LY75: variants seen among roughly 807,000 people sequenced by gnomAD.
LY75 encodes the protein lymphocyte antigen 75, also known as C-type lectin domain family 13 member B.
In LY75, 185 loss-of-function variants were observed where a neutral mutation model predicts 231.7. The ratio of observed to expected loss-of-function variants is 0.80; its 90% CI spans 0.71 to 0.90. The LOEUF (loss-of-function observed/expected upper bound fraction) is 0.90. Ranked by LOEUF, LY75 falls within the 40% of genes least tolerant of loss-of-function variation. LY75 has a pLI of 0.00. For synonymous variants in LY75, 668 were observed against 689.0 expected (o/e 0.97, Z 0.48); for missense variants, 1,947 against 2,050.2 (o/e 0.95, Z 0.97).
intron 28 of LY75, 23 bp from the exon 29 acceptor site, chr2:159,819,943 T>C (rs75362648): frequency 2.3e-6 from 3 of 1,292,092 alleles, no homozygotes; most frequent in Non-Finnish European, 3.3e-6. Context: ...CATTTTTTCC[T>C]ATGCTTAGAG....
intron 31 of LY75, among the ~76,000 whole-genome samples, chr2:159,811,495 C>T (rs539155387): frequency 2.6e-5 from 4 of 152,188 alleles, no homozygotes; most frequent in Non-Finnish European, 4.4e-5. Flanking sequence ...CGTATTAGTG[C>T]GGTACAGCTT....
In LY75 at chr2:159,904,650, C is replaced by A; in HGVS notation, c.33G>T (p.Pro11=). MRTGWATPRR[P]AGLLMLLFWF... is the part of the protein sequence containing the mutation. The stretch of plus-strand genomic sequence containing the variant: ...AGAAGAGCAGCATGAGGAGCCCCGC[C>A]GGGCGGCGAGGGGTCGCCCAGCCTG... The change falls in exon 1 of 35, where the codon CCG becomes CCT. Residue 11 remains proline, a synonymous_variant. Transcript: ENST00000263636. The A allele has an allele frequency of 6.7e-7, 1 of 1,492,752 alleles. No homozygotes were observed. The highest frequency in any genetic ancestry group is 8.9e-7 in the Non-Finnish European group (1 of 1,124,026). 92.5% of individuals were successfully genotyped at this position (1,492,752 alleles called of 1,614,324 possible).
Position 159,816,826 on chromosome 2 carries a change from C to T in LY75, c.4360G>A (p.Val1454Ile), listed in dbSNP as rs1255960278. The change falls in exon 30 of 35, where the codon GTT becomes ATT. Residue 1454 changes from valine to isoleucine, a missense_variant. By Grantham distance (29) the Val-to-Ile change is conservative. Coordinates refer to ENST00000263636, the MANE Select transcript of LY75 (RefSeq NM_002349.4). ...CTTACATCATGACTTGAGAGCCCAA[C>T]CCATAGTGGAAATCCATCACGTTTT... is the stretch of plus-strand genomic sequence containing the variant. ...IVKRDGFPLW[V>I]GLSSHDGSES... 6.2e-7 allele frequency: 1 copy of T among 1,614,128 alleles called. No individual in the cohort carries two copies.
intron 31 of LY75, among the ~76,000 whole-genome samples, chr2:159,813,634 G>A (rs779422822): frequency 1.3e-5 from 2 of 152,104 alleles, no homozygotes; most frequent in African/African-American, 4.8e-5. Flanking sequence ...CCCTCTGTGT[G>A]TCTGTATCTC....
chr2:159,884,896 T>G (rs1416982521), intron 6 of LY75, among the ~76,000 whole-genome samples: 2 of 152,268 alleles, frequency 1.3e-5, no homozygotes, highest in Middle Eastern at 6.8e-3. Context: ...GAAGTATATT[T>G]CCTATCTCGA....
intron 32 of LY75, among the ~76,000 whole-genome samples, chr2:159,809,712 C>G (rs934233757): frequency 1.3e-5 from 2 of 151,674 alleles, no homozygotes; most frequent in Non-Finnish European, 2.9e-5. Context: ...GAGTCTTGCT[C>G]TGTCGCCCAG....
At chr2:159,904,552 A>T in intron 1 of LY75, 37 bp downstream of exon 1, 1 of 1,499,032 alleles carries the variant, frequency 6.7e-7, no homozygotes, top group South Asian at 1.2e-5. Flanking sequence ...GCGTCGAGGC[A>T]CCCAGCGGAC....
At chr2:159,870,640 G>T (rs1355689470) in intron 13 of LY75, among the ~76,000 whole-genome samples, 1 of 151,550 alleles carries the variant, frequency 6.6e-6, no homozygotes, top group Admixed American at 6.6e-5. Flanking sequence ...GAGTAACCAG[G>T]ACTACAGGTG....
chr2:159,854,672 A>G lies in LY75; in HGVS notation c.2420-137T>C, dbSNP rs78440159. ...CTCTGGCTGGGGCAGTACTGACTAC[A>G]AGGAACAAGAGATTCCTGAGCCAGT... On this transcript the variant is annotated intron_variant, in intron 17 of 34. Coordinates refer to ENST00000263636, the MANE Select transcript of LY75 (RefSeq NM_002349.4). The G allele has an allele frequency of 9.8e-4, 1,175 of 1,198,378 alleles. 15 individuals are homozygous for G. In the East Asian group the frequency reaches 0.022, roughly 22 times the overall value. The allele number at this position is 1,198,378 out of a possible 1,614,324, so 74.2% of individuals were successfully genotyped here.
At chr2:159,880,067 T>C (rs1685387682) in intron 8 of LY75, among the ~76,000 whole-genome samples, 1 of 152,196 alleles carries the variant, frequency 6.6e-6, no homozygotes, top group African/African-American at 2.4e-5. Flanking sequence ...TGGATGTCCT[T>C]TTAAATAGAG....
chr2:159,810,807 C>G (rs1682937685), intron 31 of LY75, 132 bp from the exon 32 acceptor site: 1 of 1,317,480 alleles, frequency 7.6e-7, no homozygotes. Context: ...CCAGAGAAAG[C>G]CACAGCCCAC....
chr2:159,838,280 A>C (rs1683895942), intron 25 of LY75, among the ~76,000 whole-genome samples: 1 of 152,246 alleles, frequency 6.6e-6, no homozygotes. Flanking sequence ...GGCAGCTATT[A>C]GGATATATAG....
intron 28 of LY75, among the ~76,000 whole-genome samples, chr2:159,827,842 C>T (rs559263089): frequency 1.3e-5 from 2 of 152,212 alleles, no homozygotes; most frequent in African/African-American, 4.8e-5. Flanking sequence ...TCAATCTCAG[C>T]AAATTAACAC....
intron 14 of LY75, among the ~76,000 whole-genome samples, chr2:159,861,545 C>T (rs536028886): frequency 7.2e-5 from 11 of 151,862 alleles, no homozygotes; most frequent in South Asian, 2.1e-4. Context: ...CCCAGGAATT[C>T]GAGACCAGCC....
chr2:159,811,349 C>T (rs1682955924), intron 31 of LY75, among the ~76,000 whole-genome samples: 1 of 152,182 alleles, frequency 6.6e-6, no homozygotes, highest in Non-Finnish European at 1.5e-5. Context: ...AAAAATGCCC[C>T]TGGTTTCCAT....
In LY75 at chr2:159,830,047, G is replaced by C. The variant is rs971540953; in HGVS notation, c.3958+1623C>G. Among the ~76,000 whole-genome samples, 118 of 152,026 alleles carry C rather than the reference G, an allele frequency of 7.8e-4. 2 individuals carry two copies. The highest frequency in any genetic ancestry group is 2.8e-3 in the African/African-American group (115 of 41,390). On this transcript the variant is annotated intron_variant, in intron 28 of 34. Coordinates refer to ENST00000263636, the MANE Select transcript of LY75 (RefSeq NM_002349.4). ...TAGTTTTTCTCCATTTTAATTCAAG[G>C]GTAGTTAAGTGTCATCAGAGAAAAG...
intron 6 of LY75, among the ~76,000 whole-genome samples, 171 bp downstream of exon 6, chr2:159,884,982 T>C (rs903973786): frequency 9.2e-5 from 14 of 152,194 alleles, no homozygotes; most frequent in Admixed American, 5.9e-4. Context: ...GCTTTATTCA[T>C]ATATGGTTGA....
intron 4 of LY75, among the ~76,000 whole-genome samples, chr2:159,887,357 A>G (rs892258485): frequency 6.6e-6 from 1 of 151,506 alleles, no homozygotes; most frequent in Admixed American, 6.6e-5. Flanking sequence ...CAAGAGTTTG[A>G]GACCAGCCTG....
At chr2:159,850,785 T>TAG (rs1684366616) in intron 21 of LY75, among the ~76,000 whole-genome samples, 1 of 104,612 alleles carries the variant, frequency 9.6e-6, no homozygotes, top group Non-Finnish European at 2.1e-5. Context: ...TATATATATA[T>TAG]ATATATATAT....
Sources: gnomAD v4.1 joint callset for allele counts (sites outside exome capture counted in the v4.1 genomes callset) on GRCh38, gnomAD v4.1.1 for gene constraint, MANE v1.5 for transcripts, NCBI Gene and HGNC (gene_info 2026-07-23, HGNC 2026-07-21) for gene names.